The following SULT1A1 variants were observed in gnomAD, a reference collection of about 807,000 sequenced individuals.
SULT1A1 encodes sulfotransferase 1A1.
In SULT1A1, 35 loss-of-function variants were observed where a neutral mutation model predicts 36.8. The ratio of observed to expected loss-of-function variants is 0.95; its 90% CI spans 0.73 to 1.26. SULT1A1 has a LOEUF of 1.26. Among genes scored for constraint, SULT1A1 ranks in the 50% most tolerant of loss-of-function variants. The pLI is 0.00. For missense variants in SULT1A1, 309 were observed against 383.0 expected (o/e 0.81, Z 1.61); for synonymous variants, 119 against 146.0 (o/e 0.82, Z 1.33).
In SULT1A1 at chr16:28,605,664, A is replaced by G; in HGVS notation, c.*157T>C. On this transcript the variant is annotated 3_prime_UTR_variant, in exon 8 of 8. Coordinates refer to ENST00000314752, the MANE Select transcript of SULT1A1 (RefSeq NM_001055.4). ...ACTATGTTGCCCAGGTTGGTCTCGA[A>G]CTCCTGGGCTCAAATGATCCTCCCA... 7.6e-7 allele frequency: 1 copy of G among 1,310,464 alleles called. No individual in the cohort carries two copies. Among genetic ancestry groups the G allele is most frequent in the Non-Finnish European group, 1.1e-6 (1 of 933,826 alleles). 81.2% of individuals were successfully genotyped at this position (1,310,464 alleles called of 1,614,324 possible).
intron 2 of SULT1A1, among the ~76,000 whole-genome samples, chr16:28,617,545 T>C (rs887513954): frequency 6.6e-6 from 1 of 150,426 alleles, no homozygotes; most frequent in Non-Finnish European, 1.5e-5. Context: ...TTTCTTTTCT[T>C]TTTTTTTTTC....
chr16:28,621,401 G>A (rs1426874257), intron 1 of SULT1A1, among the ~76,000 whole-genome samples: 1 of 132,768 alleles, frequency 7.5e-6, no homozygotes, highest in Non-Finnish European at 1.5e-5. Context: ...AGGATCGCTT[G>A]AACCTGAAGA....
At chr16:28,616,096 C>T (rs1423448511) in intron 2 of SULT1A1, among the ~76,000 whole-genome samples, 1 of 152,142 alleles carries the variant, frequency 6.6e-6, no homozygotes, top group African/African-American at 2.4e-5. Context: ...TCTGGTGGCC[C>T]TGTCCAGGCA....
intron 2 of SULT1A1, chr16:28,619,911 G>T (rs1396295667): frequency 4.0e-6 from 2 of 502,620 alleles, no homozygotes; most frequent in African/African-American, 2.0e-5. Context: ...ATATTTTTGT[G>T]GATCTATGTA....
chr16:28,621,410 G>A (rs1213841652), intron 1 of SULT1A1, among the ~76,000 whole-genome samples: 1 of 129,696 alleles, frequency 7.7e-6, no homozygotes, highest in African/African-American at 2.9e-5. Context: ...TGAACCTGAA[G>A]ATGGAGGTTT....
intron 1 of SULT1A1, chr16:28,609,149 G>A (rs4149382): frequency 0.69 from 956,079 of 1,389,134 alleles, 325,514 homozygotes; most frequent in Non-Finnish European, 0.72. Flanking sequence ...AGGCCCAGAT[G>A]TCAGGGTGTG....
intron 4 of SULT1A1, 144 bp downstream of exon 4, chr16:28,608,147 C>G: frequency 8.2e-7 from 1 of 1,221,876 alleles, no homozygotes; most frequent in Non-Finnish European, 1.1e-6. Flanking sequence ...GCCACCACAC[C>G]CGGCTAATTT....
In SULT1A1 at chr16:28,608,569, G is replaced by C. The variant is rs997501568; in HGVS notation, c.183C>G (p.Ile61Met). The stretch of plus-strand genomic sequence containing the variant: ...ACTTCTCCAGGTCACCACCCTGGTA[G>C]ATCATGTCCAGAATCTGGCTTACCC... ...TTWVSQILDM[I>M]YQGGDLEKCH... The change falls in exon 3 of 8, where the codon ATC (isoleucine) becomes ATG (methionine). Residue 61 changes from isoleucine (I) to methionine (M), a missense_variant. This residue lies in a region of SULT1A1 where 219 missense variants were observed against 215.3 expected (regional missense o/e 1.02). Coordinates refer to ENST00000314752, the MANE Select transcript of SULT1A1 (RefSeq NM_001055.4). 2 of 1,612,394 alleles carry C rather than the reference G, an allele frequency of 1.2e-6. No homozygotes were observed. The highest frequency in any genetic ancestry group is 2.7e-5 in the African/African-American group (2 of 74,988).
chr16:28,611,071 T>A (rs2047434319), upstream of SULT1A1: 1 of 152,408 alleles, frequency 6.6e-6, no homozygotes. Flanking sequence ...GGAATCCCCG[T>A]GACTGGCAGG....
At chr16:28,618,639 C>T (rs1159244336) in intron 2 of SULT1A1, among the ~76,000 whole-genome samples, 2 of 152,114 alleles carry the variant, frequency 1.3e-5, no homozygotes, top group African/African-American at 2.4e-5. Context: ...CCACCGTGCC[C>T]GGCCTAAATT....
intron 6 of SULT1A1, 102 bp downstream of exon 6, chr16:28,606,659 T>TGTGGGGGCTGCCCAGG (rs1567304326): frequency 2.3e-5 from 35 of 1,535,922 alleles, no homozygotes; most frequent in Middle Eastern, 2.3e-4. Context: ...CTGGTCCTGC[T>TGTGGGGGCTGCCCAGG]GTGGGGGCTG....
intron 4 of SULT1A1, 97 bp downstream of exon 4, chr16:28,608,194 T>A: frequency 6.6e-7 from 1 of 1,518,048 alleles, no homozygotes; most frequent in East Asian, 2.2e-5. Flanking sequence ...TCTATGTTGC[T>A]CAGGGTGCTC....
At chr16:28,610,264 GTTTTTTTTTTTTT>G (rs538720119), upstream of SULT1A1, 122 of 349,488 alleles carry the variant, frequency 3.5e-4, no homozygotes, top group East Asian at 5.7e-3. Flanking sequence ...TTTTTTTTCT[GTTTTTTTTTTTTT>G]TTTTTTTTTT....
rs2047215457 is a variant in SULT1A1, at chr16:28,606,833, C to A, written c.522G>T (p.Gln174His). Residue 174 changes from glutamine to histidine, a missense_variant, in exon 6 of 8, where the codon CAG (glutamine) becomes CAT (histidine). By Grantham distance (24) the Gln-to-His change is conservative (BLOSUM62 0). Transcript: ENST00000314752. Reference sequence around the variant, plus strand: ...TCAGCTCCCACCACTCCTGCACGTGCTGGTACCAGGATCCGTAGGACACTG... The same window carrying A: ...TCAGCTCCCACCACTCCTGCACGTGATGGTACCAGGATCCGTAGGACACTG... ...VGEVSYGSWY[Q>H]HVQEWWELSR... 6.2e-7 allele frequency: 1 copy of A among 1,612,532 alleles called. No individual in the cohort carries two copies.
At chr16:28,607,410 A>C (rs1258534076) in intron 4 of SULT1A1, 1 of 316,816 alleles carries the variant, frequency 3.2e-6, no homozygotes, top group Admixed American at 4.4e-5. Context: ...TTAGGTCTAC[A>C]CTGAAGAGTC....
chr16:28,620,700 T>G (rs2411453), intron 1 of SULT1A1, among the ~76,000 whole-genome samples: 75,977 of 152,072 alleles, frequency 0.5, 21,165 homozygotes, highest in South Asian at 0.73. Context: ...CTATAACAAT[T>G]CACAAAAACA....
intron 2 of SULT1A1, among the ~76,000 whole-genome samples, chr16:28,617,627 C>T (rs557722129): frequency 1.8e-4 from 28 of 151,926 alleles, no homozygotes; most frequent in Non-Finnish European, 3.2e-4. Context: ...CTGCAACCTC[C>T]GCCTCCCGGG....
At chr16:28,617,086 G>C (rs1253025633) in intron 2 of SULT1A1, among the ~76,000 whole-genome samples, 1 of 151,948 alleles carries the variant, frequency 6.6e-6, no homozygotes, top group Non-Finnish European at 1.5e-5. Flanking sequence ...TACAATCATA[G>C]CTTACTGCAG....
At chr16:28,615,684 G>A (rs2047526166) in intron 2 of SULT1A1, among the ~76,000 whole-genome samples, 1 of 152,190 alleles carries the variant, frequency 6.6e-6, no homozygotes. Flanking sequence ...TGCAGAGACT[G>A]GTAGTGGCCC....
Sources: allele counts gnomAD v4.1 joint callset (sites outside exome capture counted in the v4.1 genomes callset), GRCh38; gene constraint gnomAD v4.1.1; regional missense constraint gnomAD v4.1.1; transcripts MANE v1.5; gene names NCBI Gene and HGNC (gene_info 2026-07-23, HGNC 2026-07-21).